PCNX1: variants seen among roughly 807,000 people sequenced by gnomAD.
PCNX1 encodes the protein pecanex 1.
Under a neutral mutation model 242.2 loss-of-function variants are expected in PCNX1, and 78 were observed. The ratio of observed to expected loss-of-function variants is 0.32; its 90% CI spans 0.27 to 0.39. PCNX1 has a LOEUF of 0.39. PCNX1 is among the 10% of genes least tolerant of loss of function. PCNX1 has a pLI of 1.00. For synonymous variants in PCNX1, 1,024 were observed against 1,032.9 expected (o/e 0.99, Z 0.17); for missense variants, 2,581 against 2,856.5 (o/e 0.90, Z 2.20).
At chr14:70,914,443 G>A (rs547418974) in intron 1 of PCNX1, among the ~76,000 whole-genome samples, 15 of 152,240 alleles carry the variant, frequency 9.9e-5, no homozygotes, top group East Asian at 9.6e-4. Flanking sequence ...CTTTTGTGAC[G>A]TAAAGGTGGA....
intron 1 of PCNX1, among the ~76,000 whole-genome samples, chr14:70,931,431 A>T (rs886308903): frequency 6.6e-6 from 1 of 152,230 alleles, no homozygotes; most frequent in African/African-American, 2.4e-5. Context: ...CAGCACTGCT[A>T]TTGTTACAAA....
intron 2 of PCNX1, among the ~76,000 whole-genome samples, chr14:70,959,734 G>T (rs1370309626): frequency 6.7e-6 from 1 of 150,144 alleles, no homozygotes; most frequent in East Asian, 2.0e-4. Flanking sequence ...TAGTCCTTTG[G>T]GTATATACCC....
At chr14:71,023,327 G>A (rs2060155627) in intron 13 of PCNX1, 95 bp downstream of exon 13, 1 of 876,726 alleles carries the variant, frequency 1.1e-6, no homozygotes, top group Middle Eastern at 2.2e-4. Flanking sequence ...TGTTTGGAAT[G>A]CATCAGCCTG....
At chr14:70,911,129 G>A (rs992063252) in intron 1 of PCNX1, among the ~76,000 whole-genome samples, 3 of 152,162 alleles carry the variant, frequency 2.0e-5, no homozygotes, top group East Asian at 1.9e-4. Context: ...AATAATAACT[G>A]TAAGTGATAA....
At chr14:71,048,603 A>G (rs1235507057) in intron 22 of PCNX1, among the ~76,000 whole-genome samples, 1 of 152,226 alleles carries the variant, frequency 6.6e-6, no homozygotes, top group Non-Finnish European at 1.5e-5. Context: ...TAGTAATTCA[A>G]TTTCATGTTA....
chr14:71,022,501 T>C (rs2060131462), intron 12 of PCNX1, among the ~76,000 whole-genome samples: 1 of 152,156 alleles, frequency 6.6e-6, no homozygotes, highest in African/African-American at 2.4e-5. Context: ...AATGCCAAAC[T>C]CAGTGAGCTT....
chr14:71,017,503 A>C (rs748782542), intron 11 of PCNX1, among the ~76,000 whole-genome samples: 2 of 152,170 alleles, frequency 1.3e-5, no homozygotes, highest in Non-Finnish European at 2.9e-5. Flanking sequence ...ATATTATGAA[A>C]ATGTATCATA....
intron 1 of PCNX1, among the ~76,000 whole-genome samples, chr14:70,937,637 G>A (rs190078939): frequency 1.6e-4 from 24 of 152,236 alleles, no homozygotes; most frequent in Non-Finnish European, 3.2e-4. Context: ...GGTTCCATAT[G>A]AACTTTAAAG....
intron 2 of PCNX1, among the ~76,000 whole-genome samples, chr14:70,953,154 C>T (rs1255793762): frequency 6.6e-6 from 1 of 151,998 alleles, no homozygotes; most frequent in Non-Finnish European, 1.5e-5. Context: ...TGGTGTGCAC[C>T]TGTAGTGCCA....
Position 71,102,028 on chromosome 14 carries a change from T to C in PCNX1, c.5628T>C (p.Thr1876=), listed in dbSNP as rs1156469686. ...CTCCAGATGAATATGATGACCCTAC[T>C]GTGCTCTATGAAGCCATAGTATCTC... ...FTSPDEYDDP[T]VLYEAIVSHE... Residue 1876 remains threonine (T), a synonymous_variant, in exon 31 of 36, where the codon ACT becomes ACC. Transcript: ENST00000304743. 1.2e-6 allele frequency: 2 copies of C among 1,613,008 alleles called. No individual in the cohort carries two copies. The highest frequency in any genetic ancestry group is 2.2e-5 in the South Asian group (2 of 91,042).
intron 26 of PCNX1, among the ~76,000 whole-genome samples, chr14:71,060,290 A>G (rs1453968900): frequency 1.3e-5 from 2 of 152,228 alleles, no homozygotes; most frequent in Admixed American, 1.3e-4. Context: ...AATTATGTAC[A>G]GTACATAGTA....
intron 18 of PCNX1, among the ~76,000 whole-genome samples, chr14:71,035,045 ACC>A (rs1405258990): frequency 6.6e-6 from 1 of 152,120 alleles, no homozygotes; most frequent in African/African-American, 2.4e-5. Context: ...AAAGGGATAT[ACC>A]CCTATAAATG....
intron 22 of PCNX1, chr14:71,048,957 A>G: frequency 3.0e-6 from 2 of 660,046 alleles, no homozygotes; most frequent in Non-Finnish European, 3.8e-6. Flanking sequence ...TCAGTCACTA[A>G]TTTGTATTTT....
chr14:71,108,340 A>G (rs1432022051), intron 33 of PCNX1, among the ~76,000 whole-genome samples: 1 of 152,242 alleles, frequency 6.6e-6, no homozygotes, highest in Non-Finnish European at 1.5e-5. Flanking sequence ...TAAAATATTT[A>G]ATTATTAATT....
At chr14:70,946,091 C>A (rs958408684) in intron 1 of PCNX1, among the ~76,000 whole-genome samples, 2 of 152,186 alleles carry the variant, frequency 1.3e-5, no homozygotes, top group African/African-American at 4.8e-5. Flanking sequence ...GGCCTTCAGC[C>A]CCACACCCAG....
chr14:71,069,510 A>G (rs1419945307), intron 26 of PCNX1, among the ~76,000 whole-genome samples: 1 of 152,226 alleles, frequency 6.6e-6, no homozygotes, highest in Non-Finnish European at 1.5e-5. Context: ...TGTATGTATT[A>G]CTGGCATACC....
intron 16 of PCNX1, among the ~76,000 whole-genome samples, chr14:71,033,027 C>T (rs1178310171): frequency 6.6e-6 from 1 of 152,210 alleles, no homozygotes; most frequent in African/African-American, 2.4e-5. Flanking sequence ...CATGTGTTGT[C>T]TTTTCCTACT....
intron 11 of PCNX1, among the ~76,000 whole-genome samples, chr14:71,014,317 T>C (rs1489622733): frequency 6.6e-6 from 1 of 152,100 alleles, no homozygotes; most frequent in Non-Finnish European, 1.5e-5. Context: ...AATCCAGAAA[T>C]ACCCAGCACC....
intron 16 of PCNX1, among the ~76,000 whole-genome samples, chr14:71,029,227 A>G (rs2060317697): frequency 1.3e-5 from 2 of 152,168 alleles, no homozygotes; most frequent in Non-Finnish European, 2.9e-5. Context: ...TAACGTCATT[A>G]TTGGGTTAGA....
Sources: allele counts gnomAD v4.1 joint callset (sites outside exome capture counted in the v4.1 genomes callset), GRCh38; gene constraint gnomAD v4.1.1; transcripts MANE v1.5; gene names NCBI Gene and HGNC (gene_info 2026-07-23, HGNC 2026-07-21).